Variants in CHN2 observed in about 807,000 individuals in gnomAD.
CHN2 encodes the protein beta-chimaerin.
A neutral mutation model predicts 56.3 loss-of-function variants in CHN2; 35 were observed. The ratio of observed to expected loss-of-function variants is 0.62; its 90% CI spans 0.47 to 0.82. CHN2 has a LOEUF of 0.82. CHN2 is among the 40% of genes least tolerant of loss of function. The probability of loss-of-function intolerance (pLI) is 0.00; values close to 1 mark genes in which losing one functional copy is unlikely to be tolerated. For missense variants in CHN2, 491 were observed against 580.5 expected (o/e 0.85, Z 1.58); for synonymous variants, 210 against 212.8 (o/e 0.99, Z 0.12).
At chr7:29,178,572 T>C (rs1797665104) in intron 2 of CHN2, among the ~76,000 whole-genome samples, 1 of 152,224 alleles carries the variant, frequency 6.6e-6, no homozygotes, top group Admixed American at 6.5e-5. Flanking sequence ...TATGTTCATC[T>C]GAACACATTT....
intron 3 of CHN2, among the ~76,000 whole-genome samples, chr7:29,391,662 T>A (rs559016519): frequency 6.6e-6 from 1 of 152,306 alleles, no homozygotes; most frequent in South Asian, 2.1e-4. Context: ...ACCCTAAATA[T>A]CAGCTTCCCT....
intron 1 of CHN2, among the ~76,000 whole-genome samples, chr7:29,234,844 T>A (rs760782665): frequency 1.3e-5 from 2 of 152,246 alleles, no homozygotes; most frequent in Non-Finnish European, 2.9e-5. Context: ...ATGGTTATTT[T>A]TAATAAGCCT....
At chr7:29,223,381 A>G (rs536267412) in intron 1 of CHN2, among the ~76,000 whole-genome samples, 1 of 152,294 alleles carries the variant, frequency 6.6e-6, no homozygotes, top group African/African-American at 2.4e-5. Context: ...ATCCAGGTAG[A>G]TGTAGCTAAT....
At chr7:29,305,039 C>G (rs1794032251) in intron 1 of CHN2, among the ~76,000 whole-genome samples, 1 of 152,132 alleles carries the variant, frequency 6.6e-6, no homozygotes, top group African/African-American at 2.4e-5. Flanking sequence ...TAGATCCTGT[C>G]CTGGAGAGCT....
At chr7:29,194,355 G>A (rs1783313880), upstream of CHN2, 1 of 152,368 alleles carries the variant, frequency 6.6e-6, no homozygotes, top group African/African-American at 2.4e-5. Context: ...AGCCCCAGTG[G>A]CGGGAGCTGT....
chr7:29,336,372 G>T (rs186901273), intron 1 of CHN2, among the ~76,000 whole-genome samples: 2 of 152,292 alleles, frequency 1.3e-5, no homozygotes, highest in East Asian at 3.9e-4. Flanking sequence ...AGCACTTCGG[G>T]AGTCAAGGGT....
At chr7:29,237,114 A>G (rs1299533893) in intron 1 of CHN2, among the ~76,000 whole-genome samples, 1 of 152,046 alleles carries the variant, frequency 6.6e-6, no homozygotes, top group African/African-American at 2.4e-5. Context: ...CAGCCTGCCA[A>G]CCAATACCTA....
chr7:29,485,777 C>T (rs1466105028), intron 7 of CHN2, among the ~76,000 whole-genome samples: 1 of 152,060 alleles, frequency 6.6e-6, no homozygotes, highest in Non-Finnish European at 1.5e-5. Context: ...ATGATGATTC[C>T]TGGGCCCTGG....
intron 1 of CHN2, among the ~76,000 whole-genome samples, chr7:29,274,013 C>G (rs1248236886): frequency 6.6e-6 from 1 of 152,220 alleles, no homozygotes; most frequent in Non-Finnish European, 1.5e-5. Flanking sequence ...AAACTTGCCT[C>G]TCTCTGTGTT....
chr7:29,308,473 G>A (rs1166579436), intron 1 of CHN2, among the ~76,000 whole-genome samples: 2 of 152,176 alleles, frequency 1.3e-5, no homozygotes, highest in Admixed American at 1.3e-4. Flanking sequence ...GTGTGTGTGT[G>A]TGTGTGTGTT....
chr7:29,152,626 A>C (rs1216601273), intron 2 of CHN2, among the ~76,000 whole-genome samples: 1 of 152,134 alleles, frequency 6.6e-6, no homozygotes, highest in Non-Finnish European at 1.5e-5. Context: ...CCACCCAGAG[A>C]TCTATCAGCA....
In CHN2 at chr7:29,194,814, C is replaced by T; in HGVS notation, c.-128C>T. The T allele has an allele frequency of 2.6e-6, 2 of 775,420 alleles. No homozygotes were observed. Among genetic ancestry groups the T allele is most frequent in the East Asian group, 3.5e-5 (1 of 28,598 alleles). 48.0% of individuals were successfully genotyped at this position (775,420 alleles called of 1,614,324 possible). ...TGCAGGCAGAGTCCGGAGGCTGGTG[C>T]TTTCTGCGCGTCCCCAGGACTTTGC... is the stretch of plus-strand genomic sequence containing the variant. On this transcript the variant is annotated 5_prime_UTR_variant, in exon 1 of 13. Transcript: ENST00000222792.
At chr7:29,437,605 A>C (rs1186098818) in intron 6 of CHN2, among the ~76,000 whole-genome samples, 1 of 150,984 alleles carries the variant, frequency 6.6e-6, no homozygotes, top group Non-Finnish European at 1.5e-5. Flanking sequence ...CTCAAAAAAA[A>C]AAAAAAAAGA....
chr7:29,305,846 TTCTC>T (rs1194691547), intron 1 of CHN2, among the ~76,000 whole-genome samples: 1 of 74,592 alleles, frequency 1.3e-5, no homozygotes, highest in South Asian at 4.8e-4. Context: ...TCCTTTTCCT[TTCTC>T]TCTTTCTCCC....
At chr7:29,383,688 A>T (rs1002507604) in intron 3 of CHN2, among the ~76,000 whole-genome samples, 4 of 152,208 alleles carry the variant, frequency 2.6e-5, no homozygotes, top group Non-Finnish European at 5.9e-5. Flanking sequence ...ATTCCAGAAA[A>T]GAAGGATGGA....
chr7:29,213,318 A>G (rs1785096736), intron 1 of CHN2: 1 of 725,928 alleles, frequency 1.4e-6, no homozygotes, highest in South Asian at 1.5e-5. Flanking sequence ...TATGGAAACC[A>G]TGTGTTCTGG....
At chr7:29,380,626 G>A (rs762255842) in intron 3 of CHN2, 7 of 152,294 alleles carry the variant, frequency 4.6e-5, no homozygotes, top group Non-Finnish European at 1.0e-4. Flanking sequence ...TCCAAAGTAC[G>A]TATAGTACCA....
intron 1 of CHN2, among the ~76,000 whole-genome samples, chr7:29,248,820 G>T (rs543012081): frequency 2.6e-5 from 4 of 152,282 alleles, no homozygotes; most frequent in Admixed American, 2.6e-4. Context: ...AATACTTCAT[G>T]TTTTAAGCTC....
intron 2 of CHN2, among the ~76,000 whole-genome samples, chr7:29,362,061 C>A (rs1388835902): frequency 1.3e-5 from 2 of 152,220 alleles, no homozygotes; most frequent in African/African-American, 4.8e-5. Flanking sequence ...AAGAACAGAT[C>A]TGGGGGCCCC....
Sources: gnomAD v4.1 joint callset for allele counts (sites outside exome capture counted in the v4.1 genomes callset) on GRCh38, gnomAD v4.1.1 for gene constraint, MANE v1.5 for transcripts, NCBI Gene and HGNC (gene_info 2026-07-23, HGNC 2026-07-21) for gene names.